Variants in LRBA observed in about 807,000 individuals in gnomAD.
LRBA encodes the protein lipopolysaccharide-responsive and beige-like anchor protein.
In LRBA, 176 loss-of-function variants were observed where a neutral mutation model predicts 330.0. The ratio of observed to expected loss-of-function variants is 0.53; its 90% confidence interval spans 0.47 to 0.60. The LOEUF is 0.60. Ranked by LOEUF, LRBA falls within the 20% of genes least tolerant of loss-of-function variation. LRBA has a pLI of 0.00. For synonymous variants in LRBA, 1,230 were observed against 1,193.0 expected (o/e 1.03, Z -0.64); for missense variants, 3,259 against 3,444.8 (o/e 0.95, Z 1.35).
intron 40 of LRBA, among the ~76,000 whole-genome samples, chr4:150,515,886 T>C (rs1304713334): frequency 7.9e-5 from 12 of 151,908 alleles, no homozygotes; most frequent in Admixed American, 6.6e-5. Context: ...ACAAAAAATA[T>C]AAAACAATTA....
intron 40 of LRBA, among the ~76,000 whole-genome samples, chr4:150,539,669 G>A (rs1448946229): frequency 2.0e-5 from 3 of 152,144 alleles, no homozygotes; most frequent in African/African-American, 7.2e-5. Context: ...GGCCTCACTA[G>A]AATCCAACGT....
chr4:150,518,819 A>C (rs1469856346), intron 40 of LRBA, among the ~76,000 whole-genome samples: 1 of 152,080 alleles, frequency 6.6e-6, no homozygotes, highest in Non-Finnish European at 1.5e-5. Context: ...GAGTTCACCA[A>C]ACTTTTTTCT....
chr4:150,852,847 C>T lies in LRBA; in HGVS notation c.2863G>A (p.Val955Ile). The change falls in exon 23 of 57, where the codon GTT (valine) becomes ATT (isoleucine). Residue 955 changes from valine (V) to isoleucine (I), a missense_variant. Physicochemically the swap from Val to Ile is conservative, Grantham distance 29 (BLOSUM62 3). Coordinates refer to ENST00000651943, the MANE Select transcript of LRBA (RefSeq NM_001364905.1). Reference protein sequence around the residue: ...EEIGLCSSTSVQAASGIRRDI... With the variant: ...EEIGLCSSTSIQAASGIRRDI... ...CTTCTAATGCCAGAGGCTGCTTGAACTGAAGTTGAAGAACACAGCCCTATT... is the reference window on the plus strand; with the variant it reads ...CTTCTAATGCCAGAGGCTGCTTGAATTGAAGTTGAAGAACACAGCCCTATT... 6.2e-7 allele frequency: 1 copy of T among 1,613,866 alleles called. No individual in the cohort carries two copies. The highest frequency in any genetic ancestry group is 8.5e-7 in the Non-Finnish European group (1 of 1,179,882).
At position 150,618,848 on chromosome 4, in the gene LRBA, G is replaced by GTATATATATATATA. The variant is rs34589903; in HGVS notation, c.5922-19731_5922-19718dup. ...ACATATATTATGTATATGTGTGTAT[G>GTATATATATATATA]TATATATATATATATATATATATAC... On this transcript the variant is annotated intron_variant, in intron 37 of 56. Coordinates refer to ENST00000651943, the MANE Select transcript of LRBA (RefSeq NM_001364905.1). 9.6e-5 allele frequency among the ~76,000 whole-genome samples: 14 copies of GTATATATATATATA among 146,262 alleles called. No homozygotes were observed. The South Asian group carries it at 1.7e-3, about 18-fold the overall frequency.
chr4:150,903,179 C>A (rs554633530), intron 13 of LRBA, among the ~76,000 whole-genome samples: 2 of 151,928 alleles, frequency 1.3e-5, no homozygotes, highest in African/African-American at 4.8e-5. Context: ...GCCGGAAGTT[C>A]GAGACCAGCC....
In LRBA at chr4:150,909,876, G is replaced by A. The variant is rs536820780; in HGVS notation, c.1162-1019C>T. On this transcript the variant is annotated intron_variant, in intron 9 of 56. Transcript: ENST00000651943. ...ATCCTAAATGATGAGGCAATAGCTC[G>A]CTGTAGTTTAAATTAGCATTTTTCT... is the stretch of plus-strand genomic sequence containing the variant. Among the ~76,000 whole-genome samples the A allele has an allele frequency of 2.6e-5, 4 of 152,128 alleles. No individual in the cohort carries two copies. In the East Asian group the frequency reaches 5.8e-4, roughly 22 times the overall value.
chr4:150,890,312 G>T (rs1051528538), intron 17 of LRBA, among the ~76,000 whole-genome samples: 6 of 152,166 alleles, frequency 3.9e-5, no homozygotes, highest in Admixed American at 6.5e-5. Flanking sequence ...ACCAGCCAAG[G>T]TTTAGCTTAG....
chr4:150,594,933 T>G (rs1773322082), intron 38 of LRBA, among the ~76,000 whole-genome samples: 1 of 152,006 alleles, frequency 6.6e-6, no homozygotes, highest in Admixed American at 6.6e-5. Flanking sequence ...TATAAATCCT[T>G]TTTAACATCT....
At chr4:150,740,550 A>G (rs935971851) in intron 35 of LRBA, among the ~76,000 whole-genome samples, 3 of 151,948 alleles carry the variant, frequency 2.0e-5, no homozygotes, top group Non-Finnish European at 2.9e-5. Flanking sequence ...TGGTTTTTAA[A>G]TACTATTTTG....
intron 36 of LRBA, among the ~76,000 whole-genome samples, chr4:150,727,067 G>GTTTTTTTTTTTTT (rs34671398): frequency 1.3e-5 from 1 of 79,500 alleles, no homozygotes; most frequent in Non-Finnish European, 2.1e-5. Flanking sequence ...ACATTTCGTT[G>GTTTTTTTTTTTTT]TTTTTTTTTT....
chr4:150,563,396 A>T (rs186182241), intron 40 of LRBA, among the ~76,000 whole-genome samples: 200 of 152,324 alleles, frequency 1.3e-3, no homozygotes, highest in African/African-American at 4.7e-3. Context: ...TATTGATGGA[A>T]CATCTCAAAA....
chr4:150,269,217 G>T (rs1306762528), intron 56 of LRBA, among the ~76,000 whole-genome samples: 1 of 152,146 alleles, frequency 6.6e-6, no homozygotes, highest in African/African-American at 2.4e-5. Flanking sequence ...GAAGAAATAT[G>T]TTAGCAGTTG....
chr4:150,810,086 G>T (rs1743498826), intron 31 of LRBA, among the ~76,000 whole-genome samples: 1 of 152,074 alleles, frequency 6.6e-6, no homozygotes, highest in Non-Finnish European at 1.5e-5. Context: ...AAGATTTGTG[G>T]ATATAACTGA....
intron 46 of LRBA, among the ~76,000 whole-genome samples, chr4:150,424,708 G>C (rs1749325306): frequency 6.6e-6 from 1 of 152,242 alleles, no homozygotes; most frequent in Admixed American, 6.5e-5. Context: ...TCTTTGGGAT[G>C]TGGGAAGAAA....
At chr4:151,003,822 T>A (rs185068653) in intron 2 of LRBA, among the ~76,000 whole-genome samples, 1 of 150,424 alleles carries the variant, frequency 6.6e-6, no homozygotes, top group Non-Finnish European at 1.5e-5. Flanking sequence ...AACCAACACA[T>A]AGACGAATGG....
At chr4:150,926,174 A>C (rs569822414) in intron 4 of LRBA, among the ~76,000 whole-genome samples, 20 of 152,296 alleles carry the variant, frequency 1.3e-4, no homozygotes, top group African/African-American at 4.3e-4. Context: ...TTAATACCAG[A>C]CTGATCATGC....
At chr4:150,972,865 C>T (rs2149589018) in intron 2 of LRBA, among the ~76,000 whole-genome samples, 1 of 152,326 alleles carries the variant, frequency 6.6e-6, no homozygotes, top group African/African-American at 2.4e-5. Context: ...GTGTCACATT[C>T]TCTCTTGGTT....
At chr4:150,925,812 A>T (rs1299290512) in intron 4 of LRBA, among the ~76,000 whole-genome samples, 1 of 152,222 alleles carries the variant, frequency 6.6e-6, no homozygotes, top group Non-Finnish European at 1.5e-5. Flanking sequence ...GAATATAAAT[A>T]AAAACCAAAA....
rs1394789063 is a variant in LRBA, at chr4:150,852,544, C to T, written c.3166G>A (p.Glu1056Lys). The change falls in exon 23 of 57, where the codon GAA (glutamate) becomes AAA (lysine). Residue 1056 changes from glutamate (E) to lysine (K), a missense_variant. Glu to Lys is a moderately conservative substitution (Grantham distance 56, BLOSUM62 1). Transcript: ENST00000651943. The part of the protein sequence containing the change: ...DDLEVSSDII[E>K]AVAISSNSFI... ...GAATTAGAGGAAATAGCCACAGCTT[C>T]TATTATGTCAGAAGATACTTCTAAA... 3.7e-6 allele frequency: 6 copies of T among 1,613,762 alleles called. No homozygotes were observed. The Middle Eastern group carries it at 4.9e-4, about 133-fold the overall frequency.
Sources: gnomAD v4.1 joint callset for allele counts (sites outside exome capture counted in the v4.1 genomes callset) on GRCh38, gnomAD v4.1.1 for gene constraint, MANE v1.5 for transcripts, NCBI Gene and HGNC (gene_info 2026-07-23, HGNC 2026-07-21) for gene names.